NGFR: variants seen among roughly 807,000 people sequenced by gnomAD.
NGFR encodes the protein tumor necrosis factor receptor superfamily member 16.
A neutral mutation model predicts 43.2 loss-of-function variants in NGFR; 30 were observed. That is an observed-to-expected ratio of 0.69 (90% CI 0.52 to 0.94). The LOEUF is 0.94. Ranked by LOEUF, NGFR falls within the 40% of genes least tolerant of loss-of-function variation. The pLI is 0.00. For synonymous variants in NGFR, 246 were observed against 259.6 expected, an observed-to-expected ratio of 0.95 and a Z score of 0.50; for missense variants, 529 against 602.5, an observed-to-expected ratio of 0.88 and a Z score of 1.28.
chr17:49,511,771 G>A, intron 4 of NGFR, 121 bp from the exon 5 acceptor site: 1 of 1,182,742 alleles, frequency 8.5e-7, no homozygotes, highest in African/African-American at 1.6e-5. Flanking sequence ...ATGGTGGGGT[G>A]GCGGTTATAA....
Position 49,511,909 on chromosome 17 carries a change from A to G in NGFR, c.839A>G (p.Gln280Arg). The change falls in exon 5 of 6, where the codon CAG (glutamine) becomes CGG (arginine). Residue 280 changes from glutamine (Q) to arginine (R), a missense_variant. By Grantham distance (43) the Gln-to-Arg change is conservative (BLOSUM62 1). Transcript: ENST00000172229. Reference sequence around the variant, plus strand: ...GGCTCCAGGTGGAACAGCTGCAAGCAGAACAAGCAAGGAGCCAACAGCCGG... The same window carrying G: ...GGCTCCAGGTGGAACAGCTGCAAGCGGAACAAGCAAGGAGCCAACAGCCGG... ...IAFKRWNSCK[Q>R]NKQGANSRPV... The G allele has an allele frequency of 6.2e-7, 1 of 1,610,096 alleles. No homozygotes were observed. Among genetic ancestry groups the G allele is most frequent in the Non-Finnish European group, 8.5e-7 (1 of 1,178,236 alleles).
At chr17:49,506,096 G>A (rs2071194822) in intron 2 of NGFR, 3 of 1,038,290 alleles carry the variant, frequency 2.9e-6, no homozygotes, top group Non-Finnish European at 3.9e-6. Flanking sequence ...GCGGCTCCGG[G>A]CCTCCTCCCC....
Position 49,506,646 on chromosome 17 carries a change from G to T in NGFR, c.556G>T (p.Ala186Ser). 6.5e-7 allele frequency: 1 copy of T among 1,540,438 alleles called. No homozygotes were observed. The highest frequency in any genetic ancestry group is 8.7e-7 in the Non-Finnish European group (1 of 1,143,026). Reference sequence around the variant, plus strand: ...CCGCGAGTGCACACGCTGGGCCGACGCCGAGTGCGAGGGTGAGTGCGGTTC... The same window carrying T: ...CCGCGAGTGCACACGCTGGGCCGACTCCGAGTGCGAGGGTGAGTGCGGTTC... ...QLRECTRWAD[A>S]ECEEIPGRWI... The change falls in exon 3 of 6, where the codon GCC becomes TCC. Residue 186 changes from alanine (A) to serine (S), a missense_variant. Coordinates refer to ENST00000172229, the MANE Select transcript of NGFR (RefSeq NM_002507.4).
intron 3 of NGFR, among the ~76,000 whole-genome samples, chr17:49,507,560 C>T (rs2071207593): frequency 6.6e-6 from 1 of 152,148 alleles, no homozygotes; most frequent in South Asian, 2.1e-4. Context: ...AGAAGGAAGC[C>T]CCGTGGGAGC....
chr17:49,510,955 T>TA, intron 4 of NGFR: 8 of 425,010 alleles, frequency 1.9e-5, no homozygotes, highest in South Asian at 5.8e-5. Context: ...TGTGTCCTCA[T>TA]CCCCAACCTC....
intron 1 of NGFR, among the ~76,000 whole-genome samples, chr17:49,498,896 G>T (rs2071152899): frequency 6.6e-6 from 1 of 152,090 alleles, no homozygotes; most frequent in Non-Finnish European, 1.5e-5. Flanking sequence ...CCTGCCTGGG[G>T]TCTCCTTAAG....
At chr17:49,502,957 C>G (rs2143429869) in intron 2 of NGFR, among the ~76,000 whole-genome samples, 1 of 151,394 alleles carries the variant, frequency 6.6e-6, no homozygotes, top group African/African-American at 2.4e-5. Context: ...CTCTGTTGCC[C>G]AGGTTGGGAG....
rs2071248489 is a variant in NGFR, at chr17:49,513,449, T to TG, written c.*444dup. On this transcript the variant is annotated 3_prime_UTR_variant, in exon 6 of 6. Coordinates refer to ENST00000172229, the MANE Select transcript of NGFR (RefSeq NM_002507.4). Reference sequence around the variant, plus strand: ...AGCCATGGACTCTACACTGTGAACTTGGGGAACAAGGGTGGCATCCCAGTG... The same window carrying TG: ...AGCCATGGACTCTACACTGTGAACTTGGGGGAACAAGGGTGGCATCCCAGTG... 6.1e-6 allele frequency: 1 copy of TG among 163,342 alleles called. No individual in the cohort carries two copies. The highest frequency in any genetic ancestry group is 2.4e-5 in the African/African-American group (1 of 41,838). 10.1% of individuals were successfully genotyped at this position (163,342 alleles called of 1,614,324 possible).
intron 2 of NGFR, among the ~76,000 whole-genome samples, chr17:49,504,455 C>A (rs1048232222): frequency 9.9e-5 from 15 of 152,228 alleles, no homozygotes; most frequent in African/African-American, 3.6e-4. Context: ...CCATGGGGCC[C>A]AATCTTTATA....
chr17:49,511,366 A>G (rs1407604952), intron 4 of NGFR, among the ~76,000 whole-genome samples: 2 of 152,220 alleles, frequency 1.3e-5, no homozygotes, highest in Admixed American at 1.3e-4. Context: ...CAGTGAGATC[A>G]CATTGTACAT....
intron 2 of NGFR, among the ~76,000 whole-genome samples, chr17:49,502,815 T>TCCTCCTTCCTTCCTTC (rs2071174549): frequency 8.2e-6 from 1 of 121,504 alleles, no homozygotes; most frequent in African/African-American, 3.1e-5. Context: ...GCCTGGGATT[T>TCCTCCTTCCTTCCTTC]CTTCCTTCCT....
rs980651699 is a variant in NGFR at position 49,506,558 on chromosome 17, C to G, written c.468C>G (p.Asp156Glu). Residue 156 changes from aspartate (D) to glutamate (E), a missense_variant, in exon 3 of 6, where the codon GAC becomes GAG. Physicochemically the swap from Asp to Glu is conservative, Grantham distance 45. Coordinates refer to ENST00000172229, the MANE Select transcript of NGFR (RefSeq NM_002507.4). ...CEECPDGTYS[D>E]EANHVDPCLP... ...AGTGCCCCGACGGCACGTATTCCGA[C>G]GAGGCCAACCACGTGGACCCGTGCC... The G allele has an allele frequency of 6.2e-7, 1 of 1,611,608 alleles. No individual in the cohort carries two copies. The highest frequency in any genetic ancestry group is 1.3e-5 in the African/African-American group (1 of 74,960).
At chr17:49,500,781 C>T (rs2071163082) in intron 1 of NGFR, among the ~76,000 whole-genome samples, 1 of 152,190 alleles carries the variant, frequency 6.6e-6, no homozygotes, top group Non-Finnish European at 1.5e-5. Context: ...CTGCTGGTCT[C>T]ATGAGGACCA....
chr17:49,506,624 C>A lies in NGFR; in HGVS notation c.534C>A (p.Arg178=), dbSNP rs768597889. ...GCGAGGACACCGAGCGCCAGCTCCGCGAGTGCACACGCTGGGCCGACGCCG... is the reference window on the plus strand; with the variant it reads ...GCGAGGACACCGAGCGCCAGCTCCGAGAGTGCACACGCTGGGCCGACGCCG... The part of the protein sequence containing the change: ...TVCEDTERQL[R]ECTRWADAEC... Residue 178 remains arginine (R), a synonymous_variant, in exon 3 of 6, where the codon CGC becomes CGA. Transcript: ENST00000172229. 8 of 1,577,474 alleles carry A rather than the reference C, an allele frequency of 5.1e-6. No individual in the cohort carries two copies. The South Asian group carries it at 5.6e-5, about 11-fold the overall frequency.
chr17:49,514,405 C>T lies in NGFR; in HGVS notation c.*1396C>T, dbSNP rs2071256443. ...GACTGTGACCTGTGGGGATTTCTCCCAGCTCTAGACAACCCTGCAAAGGAC... is the reference window on the plus strand; with the variant it reads ...GACTGTGACCTGTGGGGATTTCTCCTAGCTCTAGACAACCCTGCAAAGGAC... On this transcript the variant is annotated 3_prime_UTR_variant, in exon 6 of 6. Transcript: ENST00000172229. The T allele has an allele frequency of 6.6e-6, 1 of 152,390 alleles. No individual in the cohort carries two copies. Among genetic ancestry groups the T allele is most frequent in the Non-Finnish European group, 1.5e-5 (1 of 68,132 alleles). 9.4% of individuals were successfully genotyped at this position (152,390 alleles called of 1,614,324 possible). A position where few individuals can be genotyped will look rare whatever the true frequency, so the allele number is the denominator to read the frequency against.
intron 3 of NGFR, among the ~76,000 whole-genome samples, chr17:49,509,096 G>A (rs11466150): frequency 0.081 from 12,288 of 152,290 alleles, 658 homozygotes; most frequent in Middle Eastern, 0.14. Flanking sequence ...CTCCCAGGAC[G>A]GAGACGGGGA....
rs1405211052 is a variant in NGFR at position 49,510,398 on chromosome 17, G to A, written c.569-14G>A. Reference sequence around the variant, plus strand: ...GGGGAAGTGGGTCCTCACTCCTGTGGCCTTTTCTCCCAGAGATCCCTGGCC... The same window carrying A: ...GGGGAAGTGGGTCCTCACTCCTGTGACCTTTTCTCCCAGAGATCCCTGGCC... On this transcript the variant is annotated splice_polypyrimidine_tract_variant and intron_variant, in intron 3 of 5. Transcript: ENST00000172229. 1 of 1,612,254 alleles carries A rather than the reference G, an allele frequency of 6.2e-7. No homozygotes were observed. The highest frequency in any genetic ancestry group is 1.3e-5 in the African/African-American group (1 of 74,976).
At chr17:49,511,814 G>C (rs555387703) in intron 4 of NGFR, 78 bp from the exon 5 acceptor site, 267 of 1,432,050 alleles carry the variant, frequency 1.9e-4, no homozygotes, top group Non-Finnish European at 2.3e-4. Context: ...GCCCTCACAC[G>C]GCAGAGCACA....
At position 49,512,000 on chromosome 17, in the gene NGFR, C is replaced by T. The variant is rs1444749524; in HGVS notation, c.930C>T (p.Asp310=). 1.2e-6 allele frequency: 2 copies of T among 1,613,882 alleles called. No individual in the cohort carries two copies. Among genetic ancestry groups the T allele is most frequent in the Admixed American group, 3.3e-5 (2 of 59,986 alleles). ...ACAGCGACAGTGGCATCTCCGTGGACAGCCAGAGCCTGCATGACCAGCAGC... is the reference window on the plus strand; with the variant it reads ...ACAGCGACAGTGGCATCTCCGTGGATAGCCAGAGCCTGCATGACCAGCAGC... ...KLHSDSGISV[D]SQSLHDQQPH... Residue 310 remains aspartate (D), a synonymous_variant, in exon 5 of 6, where the codon GAC becomes GAT. Transcript: ENST00000172229.
Sources: allele counts gnomAD v4.1 joint callset (sites outside exome capture counted in the v4.1 genomes callset), GRCh38; gene constraint gnomAD v4.1.1; transcripts MANE v1.5; gene names NCBI Gene and HGNC (gene_info 2026-07-23, HGNC 2026-07-21).